GATA4: variants seen among roughly 807,000 people sequenced by gnomAD.
The protein encoded by GATA4 is GATA binding protein 4.
Under a neutral mutation model 37.9 loss-of-function variants are expected in GATA4, and 7 were observed. That is an observed-to-expected ratio of 0.18 (90% confidence interval 0.11 to 0.35). The LOEUF is 0.35. Among genes scored for constraint, GATA4 ranks in the 10% least tolerant of loss-of-function variants. The pLI is 1.00. For synonymous variants in GATA4, 372 were observed against 292.6 expected (o/e 1.27, Z -2.77); for missense variants, 647 against 653.0 (o/e 0.99, Z 0.10).
intron 1 of GATA4, chr8:11,683,157 G>A (rs1799028984): frequency 1.0e-6 from 1 of 975,296 alleles, no homozygotes; most frequent in African/African-American, 1.8e-5. Context: ...AGATAATGGA[G>A]GGGCTCGCTA....
At chr8:11,706,970 C>T (rs4269498) in intron 1 of GATA4, among the ~76,000 whole-genome samples, 25,519 of 152,060 alleles carry the variant, frequency 0.17, 3,226 homozygotes, top group African/African-American at 0.35. Flanking sequence ...ACGCAGGATG[C>T]TGGGAAGTAT....
chr8:11,690,843 C>T (rs1799287996), upstream of GATA4, among the ~76,000 whole-genome samples: 1 of 152,188 alleles, frequency 6.6e-6, no homozygotes, highest in African/African-American at 2.4e-5. Context: ...TGCACTCCAA[C>T]CTGGGTGAAA....
chr8:11,740,982 C>G (rs923518827), intron 2 of GATA4, among the ~76,000 whole-genome samples: 1 of 152,088 alleles, frequency 6.6e-6, no homozygotes, highest in African/African-American at 2.4e-5. Context: ...GTTCCATCCG[C>G]TTCGGCCTCC....
intron 1 of GATA4, among the ~76,000 whole-genome samples, chr8:11,694,199 A>G (rs115211874): frequency 1.3e-5 from 2 of 152,328 alleles, no homozygotes; most frequent in East Asian, 3.9e-4. Flanking sequence ...GATGCCTGGC[A>G]CATAGTAAAC....
chr8:11,733,499 A>G (rs1801305516), intron 2 of GATA4, among the ~76,000 whole-genome samples: 1 of 152,214 alleles, frequency 6.6e-6, no homozygotes, highest in African/African-American at 2.4e-5. Flanking sequence ...CAGCCAAGGT[A>G]TTAGGAATGG....
At chr8:11,732,917 ACCTCT>A (rs2130215352) in intron 2 of GATA4, among the ~76,000 whole-genome samples, 1 of 152,230 alleles carries the variant, frequency 6.6e-6, no homozygotes, top group Non-Finnish European at 1.5e-5. Context: ...GCTGGTCCAT[ACCTCT>A]CAGCTCTCCT....
At position 11,708,072 on chromosome 8, in the gene GATA4, A is replaced by T. The variant is rs1799974128; in HGVS notation, c.-241A>T. On this transcript the variant is annotated 5_prime_UTR_variant, in exon 2 of 7. Transcript: ENST00000532059. The surrounding 1 kb of genome is among the most constrained non-coding windows in gnomAD (Gnocchi z 6.7). ...CAGCTGCTCCTACATCAGCTTCCGG[A>T]ACCACCAAAAATTCAAATTGGGATT... is the stretch of plus-strand genomic sequence containing the variant. 2 of 597,560 alleles carry T rather than the reference A, an allele frequency of 3.3e-6. No individual in the cohort carries two copies. Among genetic ancestry groups the T allele is most frequent in the Non-Finnish European group, 6.1e-6 (2 of 330,396 alleles). The allele number at this position is 597,560 out of a possible 1,614,324, so 37.0% of individuals were successfully genotyped here.
At chr8:11,730,599 G>A (rs1173043843) in intron 2 of GATA4, among the ~76,000 whole-genome samples, 1 of 152,212 alleles carries the variant, frequency 6.6e-6, no homozygotes, top group African/African-American at 2.4e-5. Flanking sequence ...GAGGAGGATG[G>A]CTCCTGGGTG....
chr8:11,746,795 C>G (rs1011240076), intron 2 of GATA4, among the ~76,000 whole-genome samples: 47 of 152,234 alleles, frequency 3.1e-4, no homozygotes, highest in African/African-American at 1.1e-3. Flanking sequence ...TTGGTGGAGG[C>G]TGTCAGTGTG....
intron 1 of GATA4, among the ~76,000 whole-genome samples, chr8:11,706,529 T>A (rs1799896549): frequency 6.6e-6 from 1 of 152,238 alleles, no homozygotes; most frequent in African/African-American, 2.4e-5. Context: ...ACCTTTAATA[T>A]CTGCATTTTG....
chr8:11,730,344 A>G (rs550610568), intron 2 of GATA4, among the ~76,000 whole-genome samples: 3 of 152,328 alleles, frequency 2.0e-5, no homozygotes, highest in Admixed American at 2.0e-4. Flanking sequence ...AAGATGAGTG[A>G]ACTGAAACCA....
At chr8:11,699,425 C>G (rs1799599372), upstream of GATA4, among the ~76,000 whole-genome samples, 1 of 152,144 alleles carries the variant, frequency 6.6e-6, no homozygotes. Context: ...GAAGAAAGGG[C>G]CCCTTACAGA....
upstream of GATA4, among the ~76,000 whole-genome samples, chr8:11,688,352 A>C (rs1170157529): frequency 1.3e-5 from 2 of 152,256 alleles, no homozygotes; most frequent in African/African-American, 2.4e-5. Flanking sequence ...TTTGACCTTC[A>C]GACATATTCA....
Position 11,743,610 on chromosome 8 carries a change from C to T in GATA4, c.617-5306C>T, listed in dbSNP as rs569808294. 2.4e-4 allele frequency among the ~76,000 whole-genome samples: 36 copies of T among 152,366 alleles called. 2 individuals are homozygous for T. The South Asian group carries it at 4.8e-3, about 20-fold the overall frequency. ...CTGATTCCTCTCCCTTTCTTCCTCC[C>T]GTGCCTTCCCTCTCCCCGCCCTGAC... On this transcript the variant is annotated intron_variant, in intron 2 of 6. Coordinates refer to ENST00000532059, the MANE Select transcript of GATA4 (RefSeq NM_001308093.3).
rs1421266458 is a variant in GATA4, at chr8:11,708,323, G to A, written c.11G>A (p.Ser4Asn). ...GAGCTCGCAGGGACCATGTATCAGA[G>A]CTTGGCCATGGCCGCCAACCACGGG... is the stretch of plus-strand genomic sequence containing the variant. MYQ[S>N]LAMAANHGPP... Residue 4 changes from serine (S) to asparagine (N), a missense_variant, in exon 2 of 7, where the codon AGC becomes AAC. Transcript: ENST00000532059. This position sits in a 1 kb window ranked among gnomAD's most constrained non-coding sequence, Gnocchi z 6.7. 6 of 1,584,472 alleles carry A rather than the reference G, an allele frequency of 3.8e-6. No individual in the cohort carries two copies. The highest frequency in any genetic ancestry group is 5.1e-6 in the Non-Finnish European group (6 of 1,173,072).
intron 2 of GATA4, among the ~76,000 whole-genome samples, chr8:11,743,106 T>C (rs1801840548): frequency 6.6e-6 from 1 of 152,168 alleles, no homozygotes. Context: ...TCCCTGAACG[T>C]CCAGGATGCT....
upstream of GATA4, among the ~76,000 whole-genome samples, chr8:11,689,246 A>C (rs1202105772): frequency 6.6e-6 from 1 of 152,244 alleles, no homozygotes. Context: ...CCAGTGTAAA[A>C]AGAAATGGGA....
intron 2 of GATA4, among the ~76,000 whole-genome samples, chr8:11,740,574 A>G (rs1484658381): frequency 6.6e-6 from 1 of 152,234 alleles, no homozygotes. Context: ...GCCCCCATGA[A>G]AACTCCATAG....
chr8:11,709,289 C>T lies in GATA4; in HGVS notation c.616+361C>T, dbSNP rs1238708047. 1.3e-5 allele frequency among the ~76,000 whole-genome samples: 2 copies of T among 152,208 alleles called. No homozygotes were observed. Among genetic ancestry groups the T allele is most frequent in the Non-Finnish European group, 2.9e-5 (2 of 68,046 alleles). ...CGGGGGCAGCGGCCTGGGATTTCCT[C>T]GTGGAAGGTGCTGGAGATTGCTGAG... On this transcript the variant is annotated intron_variant, in intron 2 of 6. Coordinates refer to ENST00000532059, the MANE Select transcript of GATA4 (RefSeq NM_001308093.3). This position sits in a 1 kb window ranked among gnomAD's most constrained non-coding sequence, Gnocchi z 4.3.
Sources: allele counts gnomAD v4.1 joint callset (sites outside exome capture counted in the v4.1 genomes callset), GRCh38; gene constraint gnomAD v4.1.1; non-coding constraint Gnocchi (gnomAD v3.1); transcripts MANE v1.5; gene names NCBI Gene and HGNC (gene_info 2026-07-23, HGNC 2026-07-21).